The following VPS41 variants were observed in gnomAD, a reference collection of about 807,000 sequenced individuals.
The protein encoded by VPS41 is VPS41 subunit of HOPS complex.
A neutral mutation model predicts 130.9 loss-of-function variants in VPS41; 85 were observed. That is an observed-to-expected ratio of 0.65 (90% CI 0.55 to 0.78). The LOEUF (loss-of-function observed/expected upper bound fraction) is 0.78. Ranked by LOEUF, VPS41 falls within the 30% of genes least tolerant of loss-of-function variation. The probability of loss-of-function intolerance (pLI) is 0.00; values close to 1 mark genes in which losing one functional copy is unlikely to be tolerated. For synonymous variants in VPS41, 335 were observed against 332.9 expected, an observed-to-expected ratio of 1.01 and a Z score of -0.07; for missense variants, 874 against 1,018.7, an observed-to-expected ratio of 0.86 and a Z score of 1.93.
intron 1 of VPS41, among the ~76,000 whole-genome samples, chr7:38,907,248 T>C (rs544658495): frequency 2.5e-4 from 38 of 152,144 alleles, no homozygotes; most frequent in African/African-American, 8.0e-4. Context: ...TCAGGGTTCC[T>C]CAAAAAGGAA....
chr7:38,799,325 A>G (rs921723281), intron 7 of VPS41, among the ~76,000 whole-genome samples: 2 of 152,220 alleles, frequency 1.3e-5, no homozygotes, highest in African/African-American at 4.8e-5. Context: ...GAATGAGAGA[A>G]AGAACAATAC....
intron 5 of VPS41, among the ~76,000 whole-genome samples, chr7:38,827,621 G>A (rs1458382828): frequency 1.3e-5 from 2 of 152,138 alleles, no homozygotes; most frequent in East Asian, 3.9e-4. Context: ...ATGGGGAGAG[G>A]GAGGCACTGC....
chr7:38,761,877 G>A (rs1354686375), intron 17 of VPS41, among the ~76,000 whole-genome samples: 1 of 152,042 alleles, frequency 6.6e-6, no homozygotes, highest in Non-Finnish European at 1.5e-5. Flanking sequence ...GTGAGCCACC[G>A]TGACAGCCCT....
intron 19 of VPS41, among the ~76,000 whole-genome samples, chr7:38,756,205 A>T (rs1783789433): frequency 7.9e-6 from 1 of 127,170 alleles, no homozygotes; most frequent in Non-Finnish European, 1.6e-5. Context: ...TTGTAATTAG[A>T]TTTCTTTTAC....
intron 22 of VPS41, among the ~76,000 whole-genome samples, chr7:38,746,493 A>G (rs1795987623): frequency 6.6e-6 from 1 of 152,090 alleles, no homozygotes; most frequent in Non-Finnish European, 1.5e-5. Flanking sequence ...CCGGGAGCTC[A>G]GGGTCCAGGA....
chr7:38,749,163 G>A (rs1796044630), intron 22 of VPS41, among the ~76,000 whole-genome samples: 1 of 151,972 alleles, frequency 6.6e-6, no homozygotes, highest in Admixed American at 6.6e-5. Context: ...TCTGGCCTTT[G>A]ATAACTATAA....
chr7:38,854,202 T>C (rs566427054), intron 4 of VPS41, among the ~76,000 whole-genome samples: 1 of 152,306 alleles, frequency 6.6e-6, no homozygotes, highest in East Asian at 1.9e-4. Flanking sequence ...CAATCAGTCT[T>C]AAACAAGTAT....
At chr7:38,831,979 C>T (rs2116178849) in intron 4 of VPS41, among the ~76,000 whole-genome samples, 1 of 152,288 alleles carries the variant, frequency 6.6e-6, no homozygotes, top group African/African-American at 2.4e-5. Flanking sequence ...CCACGTACCT[C>T]TATTAGCAAT....
intron 7 of VPS41, among the ~76,000 whole-genome samples, chr7:38,810,311 A>G (rs1385358829): frequency 1.3e-5 from 2 of 152,196 alleles, no homozygotes; most frequent in African/African-American, 4.8e-5. Context: ...AACACCTAAG[A>G]AGCCAGAACT....
intron 9 of VPS41, among the ~76,000 whole-genome samples, chr7:38,793,722 G>A (rs899931563): frequency 2.0e-5 from 3 of 151,998 alleles, no homozygotes; most frequent in African/African-American, 7.2e-5. Context: ...AGGCTCTAGG[G>A]GACAATCTGC....
chr7:38,779,852 G>A (rs1784324365), intron 10 of VPS41, among the ~76,000 whole-genome samples: 1 of 152,064 alleles, frequency 6.6e-6, no homozygotes, highest in Non-Finnish European at 1.5e-5. Context: ...AAAGCTTATG[G>A]ACTGACTTTG....
At chr7:38,789,024 A>G (rs1408237015) in intron 10 of VPS41, among the ~76,000 whole-genome samples, 1 of 152,222 alleles carries the variant, frequency 6.6e-6, no homozygotes, top group Non-Finnish European at 1.5e-5. Flanking sequence ...ATAATATGGC[A>G]ATTTTTTTTC....
Position 38,752,285 on chromosome 7 carries a change from T to A in VPS41, c.1817A>T (p.His606Leu). Residue 606 changes from histidine to leucine, a missense_variant, in exon 22 of 29, where the codon CAC (histidine) becomes CTC (leucine). His to Leu is a moderately conservative substitution (Grantham distance 99). Transcript: ENST00000310301. ...VYLHKLFKRD[H>L]HKGQRYHEKQ... ...TTCATGGTAACGCTGCCCCTTATGG[T>A]GGTCTCTCTTGAAAAGCTTATGCAA... 1 of 1,613,876 alleles carries A rather than the reference T, an allele frequency of 6.2e-7. No individual in the cohort carries two copies. The highest frequency in any genetic ancestry group is 8.5e-7 in the Non-Finnish European group (1 of 1,179,824).
chr7:38,793,529 T>G (rs1435965292), intron 9 of VPS41, among the ~76,000 whole-genome samples: 1 of 152,202 alleles, frequency 6.6e-6, no homozygotes, highest in Non-Finnish European at 1.5e-5. Flanking sequence ...AAGCTGGATC[T>G]TAACTTGGGC....
intron 4 of VPS41, among the ~76,000 whole-genome samples, chr7:38,837,034 G>C (rs1268014777): frequency 2.6e-5 from 4 of 152,146 alleles, no homozygotes; most frequent in Non-Finnish European, 4.4e-5. Context: ...ATTTCTAAAA[G>C]CAAAGCATCT....
intron 2 of VPS41, among the ~76,000 whole-genome samples, chr7:38,897,845 A>G (rs866267653): frequency 6.6e-6 from 1 of 152,208 alleles, no homozygotes; most frequent in Non-Finnish European, 1.5e-5. Flanking sequence ...CCAACTGCCA[A>G]CATGTTTCAA....
chr7:38,856,277 G>A (rs1785983463), intron 4 of VPS41, among the ~76,000 whole-genome samples: 1 of 152,082 alleles, frequency 6.6e-6, no homozygotes, highest in South Asian at 2.1e-4. Flanking sequence ...TCCTGTCGTA[G>A]CCTCCTGAGT....
intron 6 of VPS41, among the ~76,000 whole-genome samples, chr7:38,818,166 A>C (rs1260356251): frequency 6.6e-6 from 1 of 152,032 alleles, no homozygotes; most frequent in East Asian, 1.9e-4. Context: ...GTATAGAGGC[A>C]GCAAGGGAGG....
In VPS41 at chr7:38,909,189, G is replaced by A. The variant is rs114595585; in HGVS notation, c.-15C>T. 2,716 of 1,614,202 alleles carry A rather than the reference G, an allele frequency of 1.7e-3. 44 individuals carry two copies. The African/African-American group carries it at 0.028, about 17-fold the overall frequency. Reference sequence around the variant, plus strand: ...GCTTCCGCCATGGCGCCACGGGAGAGTCACCTGACAGACCCGGAAATAAGA... The same window carrying A: ...GCTTCCGCCATGGCGCCACGGGAGAATCACCTGACAGACCCGGAAATAAGA... On this transcript the variant is annotated 5_prime_UTR_variant, in exon 1 of 29. Coordinates refer to ENST00000310301, the MANE Select transcript of VPS41 (RefSeq NM_014396.4).
Sources: gnomAD v4.1 joint callset for allele counts (sites outside exome capture counted in the v4.1 genomes callset) on GRCh38, gnomAD v4.1.1 for gene constraint, MANE v1.5 for transcripts, NCBI Gene and HGNC (gene_info 2026-07-23, HGNC 2026-07-21) for gene names.